CNTN5: variants seen among roughly 807,000 people sequenced by gnomAD.
CNTN5 encodes the protein contactin-5.
Under a neutral mutation model 129.1 loss-of-function variants are expected in CNTN5, and 77 were observed. That is an observed-to-expected ratio of 0.60 (90% confidence interval 0.50 to 0.72). CNTN5 has a LOEUF of 0.72. Among genes scored for constraint, CNTN5 ranks in the 30% least tolerant of loss-of-function variants. The pLI is 0.00. For missense variants in CNTN5, 1,478 were observed against 1,328.8 expected (o/e 1.11, Z -1.75); for synonymous variants, 509 against 465.6 (o/e 1.09, Z -1.20).
chr11:99,703,375 A>T (rs1408710076), intron 3 of CNTN5, among the ~76,000 whole-genome samples: 1 of 150,532 alleles, frequency 6.6e-6, no homozygotes, highest in Non-Finnish European at 1.5e-5. Flanking sequence ...AGTGATATAT[A>T]TCTTCCTGTC....
chr11:100,276,020 T>C (rs1950502873), intron 18 of CNTN5, among the ~76,000 whole-genome samples: 1 of 152,192 alleles, frequency 6.6e-6, no homozygotes. Flanking sequence ...AAGAGCCAAC[T>C]AAACTTTGAA....
At chr11:99,679,289 T>G (rs578184362) in intron 3 of CNTN5, among the ~76,000 whole-genome samples, 1 of 151,496 alleles carries the variant, frequency 6.6e-6, no homozygotes, top group Non-Finnish European at 1.5e-5. Flanking sequence ...AGCCTCATTT[T>G]ATCGCACTCT....
chr11:99,205,897 A>G (rs942044940), intron 1 of CNTN5, among the ~76,000 whole-genome samples: 6 of 152,286 alleles, frequency 3.9e-5, no homozygotes, highest in Admixed American at 1.3e-4. Flanking sequence ...TTCTGAAAAC[A>G]TCTTTAGTCT....
At chr11:99,821,076 C>A (rs755964637) in intron 4 of CNTN5, among the ~76,000 whole-genome samples, 1 of 152,120 alleles carries the variant, frequency 6.6e-6, no homozygotes, top group African/African-American at 2.4e-5. Flanking sequence ...TTTTAACTTT[C>A]TATTACCTTA....
At chr11:99,701,707 T>A (rs946062934) in intron 3 of CNTN5, among the ~76,000 whole-genome samples, 1 of 151,022 alleles carries the variant, frequency 6.6e-6, no homozygotes, top group Admixed American at 6.6e-5. Context: ...TGATCTTTCC[T>A]ATAATAAACC....
At position 99,653,430 on chromosome 11, in the gene CNTN5, T is replaced by G. The variant is rs148045644; in HGVS notation, c.55+97161T>G. 2.6e-3 allele frequency among the ~76,000 whole-genome samples: 389 copies of G among 152,158 alleles called. 1 individual carries two copies. Among genetic ancestry groups the G allele is most frequent in the Middle Eastern group, 0.024 (7 of 294 alleles). On this transcript the variant is annotated intron_variant, in intron 3 of 24. Coordinates refer to ENST00000524871, the MANE Select transcript of CNTN5 (RefSeq NM_014361.4). ...AGTCAACTAATAAAAATTTTACATGTTCATAGCTCCCCCGTCTCAGATTTC... is the reference window on the plus strand; with the variant it reads ...AGTCAACTAATAAAAATTTTACATGGTCATAGCTCCCCCGTCTCAGATTTC...
intron 8 of CNTN5, among the ~76,000 whole-genome samples, chr11:99,970,683 G>T (rs2136224964): frequency 6.6e-6 from 1 of 152,264 alleles, no homozygotes; most frequent in East Asian, 1.9e-4. Context: ...CGGGGGAGGT[G>T]CGGGGGTATT....
At chr11:99,467,638 A>G (rs1341536409) in intron 2 of CNTN5, among the ~76,000 whole-genome samples, 1 of 152,152 alleles carries the variant, frequency 6.6e-6, no homozygotes, top group East Asian at 1.9e-4. Context: ...TTACTAAAAA[A>G]GAGAGCCCCA....
At chr11:99,850,739 A>G (rs1947847214) in intron 6 of CNTN5, among the ~76,000 whole-genome samples, 1 of 152,128 alleles carries the variant, frequency 6.6e-6, no homozygotes, top group Non-Finnish European at 1.5e-5. Flanking sequence ...AGTGAAACAA[A>G]TATTTCCCTG....
chr11:99,526,885 C>T (rs1947507640), intron 2 of CNTN5, among the ~76,000 whole-genome samples: 2 of 152,334 alleles, frequency 1.3e-5, no homozygotes, highest in Admixed American at 6.5e-5. Flanking sequence ...TTTCCAAGAT[C>T]GTGAAACTGC....
rs117135193 is a variant in CNTN5 at position 99,070,503 on chromosome 11, A to G, written c.-210+49233A>G. ...AATCATTTCTAGTATTTGGCAAGCT[A>G]CCTCCATTTCCATATGCATGCAGAT... On this transcript the variant is annotated intron_variant, in intron 1 of 24. Coordinates refer to ENST00000524871, the MANE Select transcript of CNTN5 (RefSeq NM_014361.4). Among the ~76,000 whole-genome samples, 62 of 149,766 alleles carry G rather than the reference A, an allele frequency of 4.1e-4. 1 individual carries two copies. The East Asian group carries it at 0.011, about 26-fold the overall frequency.
At chr11:99,399,004 C>T (rs1457796944) in intron 2 of CNTN5, among the ~76,000 whole-genome samples, 1 of 151,842 alleles carries the variant, frequency 6.6e-6, no homozygotes, top group East Asian at 1.9e-4. Flanking sequence ...AAATTCTTCC[C>T]CAACTTCTCC....
chr11:99,212,769 A>G (rs1386435533), intron 1 of CNTN5, among the ~76,000 whole-genome samples: 1 of 152,208 alleles, frequency 6.6e-6, no homozygotes, highest in Non-Finnish European at 1.5e-5. Context: ...AATATCCATG[A>G]GCAGAATGAT....
At chr11:99,753,758 G>A (rs1163390625) in intron 3 of CNTN5, among the ~76,000 whole-genome samples, 4 of 143,340 alleles carry the variant, frequency 2.8e-5, no homozygotes, top group African/African-American at 5.2e-5. Context: ...TCATGATCTC[G>A]GCTCACTGCA....
intron 3 of CNTN5, among the ~76,000 whole-genome samples, chr11:99,642,378 C>A (rs1292719074): frequency 2.6e-5 from 4 of 152,086 alleles, no homozygotes; most frequent in Non-Finnish European, 5.9e-5. Context: ...GGATCTCTGT[C>A]ATTTGTAATA....
intron 1 of CNTN5, among the ~76,000 whole-genome samples, chr11:99,192,448 A>C (rs2135595281): frequency 6.6e-6 from 1 of 151,864 alleles, no homozygotes; most frequent in Middle Eastern, 3.4e-3. Flanking sequence ...TGGAAAAGTC[A>C]ATTGCAAAAT....
At chr11:99,912,365 A>G (rs1195565653) in intron 6 of CNTN5, among the ~76,000 whole-genome samples, 3 of 152,142 alleles carry the variant, frequency 2.0e-5, no homozygotes, top group African/African-American at 7.2e-5. Context: ...ATTTGGGCTT[A>G]TATACCTATT....
chr11:99,314,961 G>GA (rs1565484686), intron 1 of CNTN5, among the ~76,000 whole-genome samples: 1 of 147,268 alleles, frequency 6.8e-6, no homozygotes, highest in Non-Finnish European at 1.5e-5. Flanking sequence ...TGGGTGGGGG[G>GA]ACGGGGTGTT....
At chr11:99,457,145 G>A (rs868348382) in intron 2 of CNTN5, among the ~76,000 whole-genome samples, 39 of 151,994 alleles carry the variant, frequency 2.6e-4, no homozygotes, top group Non-Finnish European at 4.7e-4. Context: ...ATATATTCAG[G>A]TAATGAAGAG....
Sources: gnomAD v4.1 joint callset for allele counts (sites outside exome capture counted in the v4.1 genomes callset) on GRCh38, gnomAD v4.1.1 for gene constraint, MANE v1.5 for transcripts, NCBI Gene and HGNC (gene_info 2026-07-23, HGNC 2026-07-21) for gene names.